Variants in AP3B2 observed in about 807,000 individuals in gnomAD.
AP3B2 encodes adaptor related protein complex 3 subunit beta 2, also known as AP-3 complex subunit beta-2.
AP3B2 carries 50 observed loss-of-function variants against 126.9 expected under a neutral mutation model. That is an observed-to-expected ratio of 0.39 (90% CI 0.31 to 0.50). The LOEUF (loss-of-function observed/expected upper bound fraction) is 0.50, where lower values mean the gene tolerates loss of function less well. AP3B2 is among the 20% of genes least tolerant of loss of function. AP3B2 has a pLI of 0.79. For synonymous variants in AP3B2, 541 were observed against 565.0 expected, an observed-to-expected ratio of 0.96 and a Z score of 0.60; for missense variants, 1,177 against 1,426.4, an observed-to-expected ratio of 0.83 and a Z score of 2.82.
chr15:82,674,056 A>G (rs1478366643), intron 14 of AP3B2, among the ~76,000 whole-genome samples: 3 of 152,070 alleles, frequency 2.0e-5, no homozygotes, highest in African/African-American at 7.2e-5. Context: ...CTGGTCTAGT[A>G]TCTGATTATC....
At chr15:82,688,640 A>C (rs1484120708) in intron 4 of AP3B2, 96 bp downstream of exon 4, 1 of 1,178,954 alleles carries the variant, frequency 8.5e-7, no homozygotes, top group Non-Finnish European at 1.2e-6. Flanking sequence ...GGGTCTGCAG[A>C]GCCCGCTCCC....
At chr15:82,663,334 G>T in intron 21 of AP3B2, 101 bp from the exon 22 acceptor site, 1 of 1,069,542 alleles carries the variant, frequency 9.3e-7, no homozygotes, top group Non-Finnish European at 1.4e-6. Context: ...ACCATGGACA[G>T]CGGGGCACAT....
Position 82,709,792 on chromosome 15 carries a change from G to C in AP3B2, c.-86C>G, listed in dbSNP as rs1211663378. 1.8e-6 allele frequency: 2 copies of C among 1,138,250 alleles called. No homozygotes were observed. The highest frequency in any genetic ancestry group is 3.5e-5 in the Admixed American group (1 of 28,728). 70.5% of individuals were successfully genotyped at this position (1,138,250 alleles called of 1,614,324 possible). ...GAGGAAGGGAAGGCGGGCCGGTCCG[G>C]TCCGGGCTGGCGAAGGCGGCGGCGC... On this transcript the variant is annotated 5_prime_UTR_variant, in exon 1 of 27. Coordinates refer to ENST00000535359, the MANE Select transcript of AP3B2 (RefSeq NM_001278512.2).
At chr15:82,661,703 C>A in intron 25 of AP3B2, 122 bp downstream of exon 25, 1 of 741,894 alleles carries the variant, frequency 1.3e-6, no homozygotes, top group Non-Finnish European at 2.3e-6. Flanking sequence ...TGGCCCGTTA[C>A]AGAAAGTTTG....
chr15:82,665,655 G>A lies in AP3B2; in HGVS notation c.1853-80C>T, dbSNP rs1363502332. ...AGCTGTTTTCCAGGTGGGGCTGGGT[G>A]GTGATTCTGGTTGGGACTTCCCAGG... On this transcript the variant is annotated intron_variant, in intron 15 of 26. Transcript: ENST00000535359. The surrounding 1 kb of genome is among the most constrained non-coding windows in gnomAD (Gnocchi z 4.4). The A allele has an allele frequency of 1.7e-6, 2 of 1,179,980 alleles. No individual in the cohort carries two copies. Among genetic ancestry groups the A allele is most frequent in the Admixed American group, 1.8e-5 (1 of 54,892 alleles). 73.1% of individuals were successfully genotyped at this position (1,179,980 alleles called of 1,614,324 possible).
chr15:82,677,746 G>A lies in AP3B2; in HGVS notation c.1303C>T (p.Arg435Cys), dbSNP rs919136871. 1.9e-6 allele frequency: 3 copies of A among 1,612,476 alleles called. No individual in the cohort carries two copies. Among genetic ancestry groups the A allele is most frequent in the African/African-American group, 1.3e-5 (1 of 75,046 alleles). The change falls in exon 12 of 27, where the codon CGC becomes TGC. Residue 435 changes from arginine to cysteine, a missense_variant. Arg to Cys is a radical substitution (Grantham distance 180). Around this residue, in one of 5 missense-constraint regions of AP3B2, gnomAD observed 308 missense variants for 452.4 expected, o/e 0.68. Coordinates refer to ENST00000535359, the MANE Select transcript of AP3B2 (RefSeq NM_001278512.2). ...ACTCGGCCGATGTTAGTTGCACAGC[G>A]TCCAATGGCCTGGATTGTGGCTGCC... is the stretch of plus-strand genomic sequence containing the variant. ...FVAATIQAIG[R>C]CATNIGRVRD...
chr15:82,695,977 T>G (rs2048623782), intron 1 of AP3B2, among the ~76,000 whole-genome samples: 1 of 152,216 alleles, frequency 6.6e-6, no homozygotes, highest in Non-Finnish European at 1.5e-5. Context: ...CACTCTCTGG[T>G]GAGCGGTGTG....
chr15:82,660,345 C>T (rs1433393198), intron 25 of AP3B2, among the ~76,000 whole-genome samples: 2 of 152,112 alleles, frequency 1.3e-5, no homozygotes, highest in Non-Finnish European at 1.5e-5. Flanking sequence ...TCCTGGGGGG[C>T]CCTCCAACCC....
rs1444325656 is a variant in AP3B2 at position 82,662,884 on chromosome 15, C to T, written c.2643G>A (p.Leu881=). 6 of 1,613,402 alleles carry T rather than the reference C, an allele frequency of 3.7e-6. No individual in the cohort carries two copies. Among genetic ancestry groups the T allele is most frequent in the Non-Finnish European group, 5.1e-6 (6 of 1,179,792 alleles). ...GCCCCTCGCCAGCTACCCGGTGCAG[C>T]AGCTCCTGCCGCCCAACACCCGATA... ...SPVSGVGRQE[L]LHRVAGEGLA... The change falls in exon 23 of 27, where the codon CTG becomes CTA. Residue 881 remains leucine, a synonymous_variant. Transcript: ENST00000535359.
At chr15:82,662,557 T>C in intron 23 of AP3B2, 137 bp downstream of exon 23, 2 of 821,860 alleles carry the variant, frequency 2.4e-6, no homozygotes, top group Admixed American at 2.6e-5. Context: ...TCCACCAGAG[T>C]GTTGATCATG....
intron 4 of AP3B2, among the ~76,000 whole-genome samples, chr15:82,682,646 GT>G (rs2048359623): frequency 1.3e-5 from 2 of 151,700 alleles, no homozygotes; most frequent in African/African-American, 4.8e-5. Flanking sequence ...AGCCCAGGGA[GT>G]TGGAGGCTGA....
intron 13 of AP3B2, among the ~76,000 whole-genome samples, chr15:82,676,892 T>C (rs1391667363): frequency 6.6e-6 from 1 of 152,252 alleles, no homozygotes; most frequent in African/African-American, 2.4e-5. Flanking sequence ...ATGTAAAAGA[T>C]TGATTTTCTG....
intron 23 of AP3B2, 54 bp downstream of exon 23, chr15:82,662,640 A>G: frequency 6.6e-7 from 1 of 1,512,992 alleles, no homozygotes; most frequent in Non-Finnish European, 9.0e-7. Flanking sequence ...AACCACAGAA[A>G]GACTGACTCT....
At chr15:82,669,058 C>T (rs997603023) in intron 14 of AP3B2, among the ~76,000 whole-genome samples, 1 of 152,222 alleles carries the variant, frequency 6.6e-6, no homozygotes, top group African/African-American at 2.4e-5. Context: ...GTCTTCCCCA[C>T]CAGTAGCTGC....
At position 82,680,544 on chromosome 15, in the gene AP3B2, T is replaced by C. The variant is rs1280427293; in HGVS notation, c.983A>G (p.Tyr328Cys). The change falls in exon 8 of 27, where the codon TAC becomes TGC. Residue 328 changes from tyrosine (Y) to cysteine (C), a missense_variant. Tyr to Cys is a radical substitution (Grantham distance 194). Coordinates refer to ENST00000535359, the MANE Select transcript of AP3B2 (RefSeq NM_001278512.2). This position sits in a 1 kb window ranked among gnomAD's most constrained non-coding sequence, Gnocchi z 6.1. ...AAVVMAVAQLYFHLAPKAEVG... is the reference protein window; with the variant it reads ...AAVVMAVAQLCFHLAPKAEVG... ...TTCCGCCTTGGGCGCCAGGTGGAAGTAGAGCTGCGCCACCGCCATCACCAC... is the reference window on the plus strand; with the variant it reads ...TTCCGCCTTGGGCGCCAGGTGGAAGCAGAGCTGCGCCACCGCCATCACCAC... The C allele has an allele frequency of 6.4e-6, 10 of 1,561,424 alleles. No homozygotes were observed. Among genetic ancestry groups the C allele is most frequent in the Non-Finnish European group, 8.6e-6 (10 of 1,160,924 alleles).
intron 4 of AP3B2, chr15:82,688,441 T>A (rs1458152115): frequency 1.4e-6 from 1 of 701,532 alleles, no homozygotes; most frequent in Non-Finnish European, 2.6e-6. Flanking sequence ...TGCTAGAGAC[T>A]CTCCACTCTC....
chr15:82,709,778 G>A lies in AP3B2; in HGVS notation c.-72C>T, dbSNP rs1596203637. ...GGCCGGCTGGAGCGGAGGAAGGGAAGGCGGGCCGGTCCGGTCCGGGCTGGC... is the reference window on the plus strand; with the variant it reads ...GGCCGGCTGGAGCGGAGGAAGGGAAAGCGGGCCGGTCCGGTCCGGGCTGGC... On this transcript the variant is annotated 5_prime_UTR_variant, in exon 1 of 27. Coordinates refer to ENST00000535359, the MANE Select transcript of AP3B2 (RefSeq NM_001278512.2). The A allele has an allele frequency of 1.6e-6, 2 of 1,279,204 alleles. No homozygotes were observed. Among genetic ancestry groups the A allele is most frequent in the African/African-American group, 1.6e-5 (1 of 64,294 alleles). 79.2% of individuals were successfully genotyped at this position (1,279,204 alleles called of 1,614,324 possible).
At chr15:82,694,446 G>A (rs1185523964) in intron 1 of AP3B2, among the ~76,000 whole-genome samples, 1 of 152,064 alleles carries the variant, frequency 6.6e-6, no homozygotes, top group African/African-American at 2.4e-5. Context: ...AGCACTTTGG[G>A]AGACTGAGGC....
chr15:82,679,780 C>T lies in AP3B2; in HGVS notation c.1131G>A (p.Leu377=). ...IKRRGMFEPY[L]KSFYIRSTDP... is the part of the protein sequence containing the mutation. ...CGGTGGACCTGATGTAGAAGCTCTTCAGGTAGGGCTCAAACATACCCTGGC... is the reference window on the plus strand; with the variant it reads ...CGGTGGACCTGATGTAGAAGCTCTTTAGGTAGGGCTCAAACATACCCTGGC... Residue 377 remains leucine, a synonymous_variant, in exon 10 of 27, where the codon CTG becomes CTA. Transcript: ENST00000535359. 1.9e-6 allele frequency: 3 copies of T among 1,613,862 alleles called. No homozygotes were observed. The highest frequency in any genetic ancestry group is 2.5e-6 in the Non-Finnish European group (3 of 1,179,818).
Sources: gnomAD v4.1 joint callset for allele counts (sites outside exome capture counted in the v4.1 genomes callset) on GRCh38, gnomAD v4.1.1 for gene constraint, gnomAD v4.1.1 regional missense constraint, Gnocchi (gnomAD v3.1) non-coding constraint, MANE v1.5 for transcripts, NCBI Gene and HGNC (gene_info 2026-07-23, HGNC 2026-07-21) for gene names.